Variants in GPC5 observed in about 807,000 individuals in gnomAD.
The protein encoded by GPC5 is glypican 5.
GPC5 carries 47 observed loss-of-function variants against 53.9 expected under a neutral mutation model. That is an observed-to-expected ratio of 0.87 (90% CI 0.69 to 1.11). GPC5 has a LOEUF of 1.11. GPC5 is among the 50% of genes most tolerant of loss of function. The pLI, the probability that GPC5 is intolerant of heterozygous loss-of-function variation, is 0.00. For synonymous variants in GPC5, 286 were observed against 263.3 expected, an observed-to-expected ratio of 1.09 and a Z score of -0.84; for missense variants, 748 against 713.1, an observed-to-expected ratio of 1.05 and a Z score of -0.56.
chr13:91,653,312 A>G (rs1483324092), intron 2 of GPC5, among the ~76,000 whole-genome samples: 2 of 152,092 alleles, frequency 1.3e-5, no homozygotes, highest in African/African-American at 4.8e-5. Context: ...CACAGCCTTA[A>G]TTTCCATCAA....
chr13:92,432,181 C>T (rs1877117972), intron 7 of GPC5, among the ~76,000 whole-genome samples: 1 of 152,092 alleles, frequency 6.6e-6, no homozygotes, highest in South Asian at 2.1e-4. Flanking sequence ...TGGCCATCTG[C>T]AGGGCAGGAA....
chr13:92,762,946 TTC>T (rs1277376452), intron 7 of GPC5, among the ~76,000 whole-genome samples: 2 of 152,038 alleles, frequency 1.3e-5, no homozygotes, highest in Non-Finnish European at 2.9e-5. Context: ...GCCCCAAGAT[TTC>T]TGTTTCCTTT....
At chr13:92,562,119 A>G (rs1284169415) in intron 7 of GPC5, among the ~76,000 whole-genome samples, 3 of 152,116 alleles carry the variant, frequency 2.0e-5, no homozygotes, top group Admixed American at 6.6e-5. Context: ...TTCAAAGAAC[A>G]TTCAAAATAA....
chr13:91,808,373 G>A (rs2038255912), intron 5 of GPC5, among the ~76,000 whole-genome samples: 1 of 152,028 alleles, frequency 6.6e-6, no homozygotes, highest in Non-Finnish European at 1.5e-5. Flanking sequence ...TCATTTTTAT[G>A]GGTTCTAACA....
chr13:91,566,201 T>G (rs2031518978), intron 2 of GPC5, among the ~76,000 whole-genome samples: 1 of 152,100 alleles, frequency 6.6e-6, no homozygotes, highest in Admixed American at 6.6e-5. Flanking sequence ...TTAAAGTCAG[T>G]TCTGAGTTTC....
chr13:92,216,791 C>A (rs1038102863), intron 7 of GPC5, among the ~76,000 whole-genome samples: 4 of 151,884 alleles, frequency 2.6e-5, no homozygotes, highest in Non-Finnish European at 5.9e-5. Flanking sequence ...ACCAGCCTGG[C>A]CAACATGGTG....
At chr13:91,448,235 G>T (rs56395230) in intron 1 of GPC5, among the ~76,000 whole-genome samples, 5,445 of 152,292 alleles carry the variant, frequency 0.036, 145 homozygotes, top group Middle Eastern at 0.068. Flanking sequence ...TGGGGGCCTT[G>T]ATCTCCCAGC....
At chr13:92,175,561 G>T (rs955217257) in intron 7 of GPC5, among the ~76,000 whole-genome samples, 111 of 152,032 alleles carry the variant, frequency 7.3e-4, no homozygotes, top group Middle Eastern at 3.4e-3. Context: ...GTTGGTGGGC[G>T]CCCCTTTGGA....
intron 6 of GPC5, among the ~76,000 whole-genome samples, chr13:92,088,590 G>A (rs747283020): frequency 2.0e-5 from 3 of 152,108 alleles, no homozygotes; most frequent in Non-Finnish European, 4.4e-5. Context: ...CCACACCTGG[G>A]ATGGACATGA....
intron 7 of GPC5, among the ~76,000 whole-genome samples, chr13:92,741,171 T>C (rs1456037320): frequency 6.6e-6 from 1 of 150,938 alleles, no homozygotes; most frequent in Non-Finnish European, 1.5e-5. Flanking sequence ...GGGGTGATTG[T>C]ATCATGAGGA....
chr13:91,759,601 C>A (rs951654665), intron 5 of GPC5, among the ~76,000 whole-genome samples: 1 of 152,052 alleles, frequency 6.6e-6, no homozygotes, highest in Non-Finnish European at 1.5e-5. Flanking sequence ...TTTTTAGCTC[C>A]CACAAATGAT....
chr13:92,784,592 ATGT>A (rs986179621), intron 7 of GPC5, among the ~76,000 whole-genome samples: 28 of 152,282 alleles, frequency 1.8e-4, no homozygotes, highest in African/African-American at 6.5e-4. Flanking sequence ...ATGAAAATAA[ATGT>A]TGTACTCTTT....
intron 7 of GPC5, among the ~76,000 whole-genome samples, chr13:92,174,468 G>C (rs1478334634): frequency 7.9e-5 from 12 of 151,590 alleles, no homozygotes; most frequent in Non-Finnish European, 1.6e-4. Flanking sequence ...CCGGGAGGCG[G>C]GGCTTGCAGT....
intron 7 of GPC5, among the ~76,000 whole-genome samples, chr13:92,650,607 C>G (rs781441777): frequency 2.0e-5 from 3 of 152,042 alleles, no homozygotes; most frequent in Non-Finnish European, 4.4e-5. Context: ...AATAGTAGAG[C>G]TCATGCTTGA....
chr13:92,513,649 T>C (rs1273113059), intron 7 of GPC5, among the ~76,000 whole-genome samples: 1 of 152,222 alleles, frequency 6.6e-6, no homozygotes, highest in African/African-American at 2.4e-5. Context: ...GTATCTCTTA[T>C]TTGAAATGCT....
intron 7 of GPC5, among the ~76,000 whole-genome samples, chr13:92,576,134 C>G (rs1220350830): frequency 6.6e-6 from 1 of 152,186 alleles, no homozygotes; most frequent in African/African-American, 2.4e-5. Flanking sequence ...ATTTTAATTT[C>G]AGTCAGAATA....
intron 2 of GPC5, among the ~76,000 whole-genome samples, chr13:91,657,540 C>A (rs948785233): frequency 6.6e-6 from 1 of 151,918 alleles, no homozygotes; most frequent in South Asian, 2.1e-4. Flanking sequence ...ACAGTACACA[C>A]GACAGCCCTC....
intron 7 of GPC5, among the ~76,000 whole-genome samples, chr13:92,617,328 C>A (rs1884725206): frequency 6.6e-6 from 1 of 152,176 alleles, no homozygotes; most frequent in Non-Finnish European, 1.5e-5. Flanking sequence ...AATCAACAAT[C>A]CAGCATTCAG....
intron 2 of GPC5, among the ~76,000 whole-genome samples, chr13:91,590,085 C>G (rs930020089): frequency 2.6e-5 from 4 of 151,340 alleles, no homozygotes; most frequent in East Asian, 1.9e-4. Flanking sequence ...ATATATATGA[C>G]CTTTCATATC....
Sources: gnomAD v4.1 joint callset for allele counts (sites outside exome capture counted in the v4.1 genomes callset) on GRCh38, gnomAD v4.1.1 for gene constraint, MANE v1.5 for transcripts, NCBI Gene and HGNC (gene_info 2026-07-23, HGNC 2026-07-21) for gene names.